RHEB: variants seen among roughly 807,000 people sequenced by gnomAD.
RHEB encodes GTP-binding protein Rheb.
Under a neutral mutation model 28.8 loss-of-function variants are expected in RHEB, and 2 were observed. The ratio of observed to expected loss-of-function variants is 0.07; its 90% CI spans 0.03 to 0.22. RHEB has a LOEUF of 0.22. Ranked by LOEUF, RHEB falls within the 10% of genes least tolerant of loss-of-function variation. RHEB has a pLI of 1.00. For synonymous variants in RHEB, 69 were observed against 77.3 expected (o/e 0.89, Z 0.56); for missense variants, 76 against 219.9 (o/e 0.35, Z 4.14).
chr7:151,509,119 C>T (rs1355346149), intron 1 of RHEB, among the ~76,000 whole-genome samples: 4 of 152,226 alleles, frequency 2.6e-5, no homozygotes, highest in Non-Finnish European at 4.4e-5. Context: ...TGTAGTAAGA[C>T]ACTGCCTGCC....
chr7:151,517,890 C>T (rs1282340645), intron 1 of RHEB: 1 of 152,154 alleles, frequency 6.6e-6, no homozygotes, highest in Non-Finnish European at 1.5e-5. Context: ...TAAGTACTTA[C>T]TTGACTGACT....
At chr7:151,498,138 T>G (rs1554439405) in intron 1 of RHEB, 7 of 1,289,172 alleles carry the variant, frequency 5.4e-6, no homozygotes, top group Non-Finnish European at 6.1e-6. Context: ...TGCAGAACTA[T>G]AACACCACTC....
intron 1 of RHEB, among the ~76,000 whole-genome samples, chr7:151,514,881 A>G (rs573876591): frequency 6.6e-6 from 1 of 152,010 alleles, no homozygotes; most frequent in African/African-American, 2.4e-5. Flanking sequence ...CTACAAAAAA[A>G]TAAAAAAACT....
chr7:151,475,533 G>A lies in RHEB; in HGVS notation c.275+1800C>T, dbSNP rs184267546. 1.5e-4 allele frequency among the ~76,000 whole-genome samples: 23 copies of A among 152,256 alleles called. No homozygotes were observed. The East Asian group carries it at 3.3e-3, about 22-fold the overall frequency. ...ATTTGTTCTGGACAAGGCCTTACAC[G>A]TGGCAGTATATACATTTTAAAAATA... On this transcript the variant is annotated intron_variant, in intron 4 of 7. Transcript: ENST00000262187.
intron 1 of RHEB, among the ~76,000 whole-genome samples, chr7:151,498,468 C>CA (rs902681345): frequency 5.2e-4 from 79 of 151,148 alleles, no homozygotes; most frequent in Middle Eastern, 3.4e-3. Flanking sequence ...AAAAAAAATA[C>CA]AAAAAAAAAT....
At chr7:151,490,753 C>T (rs1802566029) in intron 2 of RHEB, among the ~76,000 whole-genome samples, 190 bp downstream of exon 2, 1 of 152,122 alleles carries the variant, frequency 6.6e-6, no homozygotes, top group Non-Finnish European at 1.5e-5. Flanking sequence ...TTCTAGATGG[C>T]AGGGGATGCA....
At chr7:151,506,911 C>A (rs1802891994) in intron 1 of RHEB, among the ~76,000 whole-genome samples, 2 of 152,168 alleles carry the variant, frequency 1.3e-5, no homozygotes, top group South Asian at 4.1e-4. Context: ...GTGTCTCCTC[C>A]TAACATCTAC....
chr7:151,493,130 C>T (rs536093373), intron 1 of RHEB, among the ~76,000 whole-genome samples: 2 of 152,158 alleles, frequency 1.3e-5, no homozygotes, highest in Admixed American at 6.5e-5. Flanking sequence ...CGTGAGCCAC[C>T]GCGCCTGCCC....
chr7:151,494,713 G>A (rs1267201224), intron 1 of RHEB, among the ~76,000 whole-genome samples: 1 of 152,238 alleles, frequency 6.6e-6, no homozygotes, highest in Non-Finnish European at 1.5e-5. Flanking sequence ...TTCATTAGCA[G>A]AAGTGGCACT....
chr7:151,494,505 G>A (rs1802641886), intron 1 of RHEB, among the ~76,000 whole-genome samples: 1 of 152,242 alleles, frequency 6.6e-6, no homozygotes, highest in African/African-American at 2.4e-5. Flanking sequence ...CTATTTGACA[G>A]GCTAAATTAA....
chr7:151,502,834 A>G, intron 1 of RHEB: 1 of 1,120,246 alleles, frequency 8.9e-7, no homozygotes, highest in Admixed American at 1.7e-5. Flanking sequence ...TGGCTGGTCT[A>G]GTTTTAGCTG....
intron 1 of RHEB, among the ~76,000 whole-genome samples, chr7:151,500,568 T>C (rs1186727946): frequency 6.6e-6 from 1 of 152,150 alleles, no homozygotes; most frequent in Non-Finnish European, 1.5e-5. Flanking sequence ...AAAGAGAGGC[T>C]GCGGCAGTAG....
At chr7:151,506,304 T>A (rs1477727326) in intron 1 of RHEB, among the ~76,000 whole-genome samples, 1 of 151,944 alleles carries the variant, frequency 6.6e-6, no homozygotes, top group Non-Finnish European at 1.5e-5. Context: ...CTCACCTTGG[T>A]CTCTCAAAGC....
At chr7:151,513,288 T>C (rs1057064467) in intron 1 of RHEB, among the ~76,000 whole-genome samples, 2 of 152,226 alleles carry the variant, frequency 1.3e-5, no homozygotes, top group African/African-American at 4.8e-5. Context: ...ACTATCATTA[T>C]TGCAAATGTG....
At chr7:151,471,361 C>T (rs752090952) in intron 6 of RHEB, 33 bp downstream of exon 6, 68 of 1,347,992 alleles carry the variant, frequency 5.0e-5, no homozygotes, top group Non-Finnish European at 6.9e-5. Context: ...GTGACTAAAT[C>T]ATCTTAGATT....
At chr7:151,469,266 T>C (rs954787171) in intron 7 of RHEB, among the ~76,000 whole-genome samples, 2 of 152,350 alleles carry the variant, frequency 1.3e-5, no homozygotes, top group South Asian at 4.1e-4. Flanking sequence ...TATCACAGGA[T>C]ACTTGGGCTG....
At chr7:151,493,893 T>TA (rs551735546) in intron 1 of RHEB, among the ~76,000 whole-genome samples, 115 of 144,410 alleles carry the variant, frequency 8.0e-4, no homozygotes, top group South Asian at 5.8e-3. Context: ...TTAGAAGGAG[T>TA]AAAAAAAAAA....
chr7:151,507,935 CCCAGAAAGG>C (rs1432408521), intron 1 of RHEB, among the ~76,000 whole-genome samples: 3 of 152,078 alleles, frequency 2.0e-5, no homozygotes, highest in African/African-American at 7.2e-5. Flanking sequence ...TAAAGTGCTA[CCCAGAAAGG>C]CCATAAAACT....
In RHEB at chr7:151,472,274, C is replaced by A. The variant is rs1019420708; in HGVS notation, c.276-669G>T. Among the ~76,000 whole-genome samples the A allele has an allele frequency of 6.6e-6, 1 of 152,208 alleles. No individual in the cohort carries two copies. The highest frequency in any genetic ancestry group is 1.5e-5 in the Non-Finnish European group (1 of 68,040). ...GAATCTGACGGCTTCTCACTCCCCTCCACTGCTGCCGCTGAGGTGTGAATT... is the reference window on the plus strand; with the variant it reads ...GAATCTGACGGCTTCTCACTCCCCTACACTGCTGCCGCTGAGGTGTGAATT... On this transcript the variant is annotated intron_variant, in intron 4 of 7. Coordinates refer to ENST00000262187, the MANE Select transcript of RHEB (RefSeq NM_005614.4). This position sits in a 1 kb window ranked among gnomAD's most constrained non-coding sequence, Gnocchi z 5.2.
Sources: gnomAD v4.1 joint callset for allele counts (sites outside exome capture counted in the v4.1 genomes callset) on GRCh38, gnomAD v4.1.1 for gene constraint, Gnocchi (gnomAD v3.1) non-coding constraint, MANE v1.5 for transcripts, NCBI Gene and HGNC (gene_info 2026-07-23, HGNC 2026-07-21) for gene names.